The following AUTS2 variants were observed in gnomAD, a reference collection of about 807,000 sequenced individuals.
The protein encoded by AUTS2 is activator of transcription and developmental regulator AUTS2.
A neutral mutation model predicts 112.4 loss-of-function variants in AUTS2; 17 were observed. The observed-to-expected ratio is 0.15, with a 90% CI of 0.10 to 0.23. The LOEUF is 0.23. Among genes scored for constraint, AUTS2 ranks in the 10% least tolerant of loss-of-function variants. The pLI is 1.00. For synonymous variants in AUTS2, 751 were observed against 702.7 expected (o/e 1.07, Z -1.09); for missense variants, 1,510 against 1,701.6 (o/e 0.89, Z 1.98).
intron 4 of AUTS2, among the ~76,000 whole-genome samples, chr7:70,305,709 A>G (rs1789463166): frequency 1.3e-5 from 2 of 152,224 alleles, no homozygotes; most frequent in Admixed American, 1.3e-4. Context: ...CTCCTTGGAG[A>G]TGACCATCAA....
rs188289236 is a variant in AUTS2, at chr7:70,791,090, T to G, written c.*94T>G. The G allele has an allele frequency of 2.2e-4, 287 of 1,288,780 alleles. No homozygotes were observed. In the East Asian group the frequency reaches 6.9e-3, roughly 31 times the overall value. 79.8% of individuals were successfully genotyped at this position (1,288,780 alleles called of 1,614,324 possible). On this transcript the variant is annotated 3_prime_UTR_variant, in exon 19 of 19. Coordinates refer to ENST00000342771, the MANE Select transcript of AUTS2 (RefSeq NM_015570.4). ...GAACTCCTGCATGGCTCACACAGAC[T>G]GGGGGGGAAAGCCCCACCCCTTCCC...
At chr7:70,269,596 G>A (rs944381265) in intron 4 of AUTS2, among the ~76,000 whole-genome samples, 2 of 152,184 alleles carry the variant, frequency 1.3e-5, no homozygotes, top group Admixed American at 6.5e-5. Flanking sequence ...ACAAAATGAA[G>A]ATAATAGCGC....
chr7:69,848,740 T>A (rs554511299), intron 1 of AUTS2, among the ~76,000 whole-genome samples: 8 of 152,330 alleles, frequency 5.3e-5, no homozygotes, highest in African/African-American at 1.9e-4. Context: ...CTCCTTTTTT[T>A]CTTAAGACTG....
rs118156439 is a variant in AUTS2 at position 69,622,328 on chromosome 7, C to T, written c.309+22366C>T. ...ATTCAGTTTACTAGGTGGCTTCCAA[C>T]CCAGATTAATATGGTTATATCTAAA... On this transcript the variant is annotated intron_variant, in intron 1 of 18. Coordinates refer to ENST00000342771, the MANE Select transcript of AUTS2 (RefSeq NM_015570.4). 8.1e-3 allele frequency among the ~76,000 whole-genome samples: 1,229 copies of T among 152,228 alleles called. 7 individuals carry two copies. Among genetic ancestry groups the T allele is most frequent in the Non-Finnish European group, 0.013 (874 of 68,014 alleles).
chr7:69,647,075 G>A (rs1795057560), intron 1 of AUTS2, among the ~76,000 whole-genome samples: 1 of 152,166 alleles, frequency 6.6e-6, no homozygotes, highest in Admixed American at 6.5e-5. Context: ...GCGATAGAGC[G>A]AGACTCTGTC....
chr7:69,679,090 A>T (rs1380911161), intron 1 of AUTS2, among the ~76,000 whole-genome samples: 1 of 152,184 alleles, frequency 6.6e-6, no homozygotes, highest in Non-Finnish European at 1.5e-5. Context: ...AGCCAACTAT[A>T]TTATCAGGTG....
rs868171508 is a variant in AUTS2 at position 70,203,916 on chromosome 7, T to C, written c.660+69345T>C. On this transcript the variant is annotated intron_variant, in intron 4 of 18. Coordinates refer to ENST00000342771, the MANE Select transcript of AUTS2 (RefSeq NM_015570.4). ...AGTGTGCACGTGATCGAGAATTATG[T>C]TTTGAAAATAAATGAATGATTGGCT... 7.2e-5 allele frequency among the ~76,000 whole-genome samples: 11 copies of C among 151,980 alleles called. 1 individual carries two copies. In the Middle Eastern group the frequency reaches 0.01, roughly 141 times the overall value.
intron 4 of AUTS2, among the ~76,000 whole-genome samples, chr7:70,245,260 A>C (rs888582048): frequency 1.1e-4 from 17 of 151,682 alleles, no homozygotes; most frequent in Admixed American, 6.6e-5. Context: ...GAGTAACTTT[A>C]TTCATGCAGG....
chr7:70,577,417 G>T (rs1272670902), intron 5 of AUTS2, among the ~76,000 whole-genome samples: 1 of 152,122 alleles, frequency 6.6e-6, no homozygotes, highest in Non-Finnish European at 1.5e-5. Context: ...CCCCCTCCCT[G>T]TTATCTTTTA....
At chr7:69,726,530 A>G (rs1328282785) in intron 1 of AUTS2, among the ~76,000 whole-genome samples, 2 of 150,310 alleles carry the variant, frequency 1.3e-5, no homozygotes, top group Non-Finnish European at 3.0e-5. Flanking sequence ...TTTTTGGCAG[A>G]CATAGGTCAT....
intron 1 of AUTS2, among the ~76,000 whole-genome samples, chr7:69,787,477 CCTTGTGTAAAACATTTTGGTTTTA>C (rs1464465679): frequency 1.3e-5 from 2 of 152,208 alleles, no homozygotes; most frequent in Non-Finnish European, 2.9e-5. Flanking sequence ...GAATCTGCCA[CCTTGTGTAAAACATTTTGGTTTTA>C]CTAGTCAGGC....
At chr7:70,274,086 C>T (rs1055299847) in intron 4 of AUTS2, among the ~76,000 whole-genome samples, 9 of 152,040 alleles carry the variant, frequency 5.9e-5, no homozygotes, top group African/African-American at 1.2e-4. Context: ...TAAGCTGTTG[C>T]GTTTTGTACA....
At chr7:70,099,183 T>C (rs1804357419) in intron 2 of AUTS2, among the ~76,000 whole-genome samples, 1 of 152,206 alleles carries the variant, frequency 6.6e-6, no homozygotes, top group African/African-American at 2.4e-5. Flanking sequence ...CTCTCTCTTT[T>C]CCTTTCCCAT....
intron 2 of AUTS2, among the ~76,000 whole-genome samples, chr7:70,060,371 G>A (rs1319690475): frequency 1.3e-5 from 2 of 152,172 alleles, no homozygotes; most frequent in East Asian, 3.9e-4. Context: ...CAAAGCAAAA[G>A]TATAGCAGCC....
intron 6 of AUTS2, among the ~76,000 whole-genome samples, chr7:70,756,457 G>T (rs571811113): frequency 6.6e-6 from 1 of 151,954 alleles, no homozygotes; most frequent in African/African-American, 2.4e-5. Context: ...ATTTTATAGC[G>T]CATTCATTTT....
intron 2 of AUTS2, among the ~76,000 whole-genome samples, chr7:70,046,132 G>T (rs551461997): frequency 6.6e-6 from 1 of 152,200 alleles, no homozygotes; most frequent in East Asian, 1.9e-4. Flanking sequence ...ATATTGACTG[G>T]AATACTGTCT....
At chr7:70,785,222 C>T (rs565092896) in intron 16 of AUTS2, among the ~76,000 whole-genome samples, 18 of 152,356 alleles carry the variant, frequency 1.2e-4, no homozygotes, top group African/African-American at 3.1e-4. Context: ...CGCATTCTTT[C>T]GGTAGTAGAG....
intron 2 of AUTS2, among the ~76,000 whole-genome samples, chr7:69,979,876 A>G (rs1467848007): frequency 6.6e-6 from 1 of 152,190 alleles, no homozygotes; most frequent in African/African-American, 2.4e-5. Context: ...CATTTTTGCC[A>G]TTTTTGGAGT....
chr7:70,624,508 A>G (rs930191389), intron 5 of AUTS2, among the ~76,000 whole-genome samples: 4 of 152,198 alleles, frequency 2.6e-5, no homozygotes, highest in Admixed American at 2.6e-4. Context: ...AATGAATACA[A>G]ATTTTATTTT....
Sources: allele counts gnomAD v4.1 joint callset (sites outside exome capture counted in the v4.1 genomes callset), GRCh38; gene constraint gnomAD v4.1.1; transcripts MANE v1.5; gene names NCBI Gene and HGNC (gene_info 2026-07-23, HGNC 2026-07-21).